SCN1A: variants seen among roughly 807,000 people sequenced by gnomAD.
SCN1A encodes the protein sodium channel protein type 1 subunit alpha.
A neutral mutation model predicts 193.7 loss-of-function variants in SCN1A; 13 were observed. The observed-to-expected ratio is 0.07, with a 90% confidence interval of 0.04 to 0.11. SCN1A has a LOEUF of 0.11. SCN1A is among the 10% of genes least tolerant of loss of function. SCN1A has a pLI of 1.00. For missense variants in SCN1A, 1,432 were observed against 2,451.1 expected (o/e 0.58, Z 8.78); for synonymous variants, 781 against 843.6 (o/e 0.93, Z 1.29).
chr2:166,045,571 A>C (rs1184405664), intron 12 of SCN1A, among the ~76,000 whole-genome samples: 1 of 152,180 alleles, frequency 6.6e-6, no homozygotes, highest in Non-Finnish European at 1.5e-5. Flanking sequence ...TGCTCCACAG[A>C]CCACGTATTC....
downstream of SCN1A, chr2:165,985,441 G>A (rs1415273859): frequency 6.6e-6 from 1 of 151,286 alleles, no homozygotes; most frequent in Admixed American, 6.6e-5. Flanking sequence ...AGGAAGGGAA[G>A]GGAAGGAAAA....
In SCN1A at chr2:166,036,111, A is replaced by C; in HGVS notation, c.3366T>G (p.Ser1122=). The C allele has an allele frequency of 6.2e-7, 1 of 1,613,986 alleles. No individual in the cohort carries two copies. The highest frequency in any genetic ancestry group is 2.2e-5 in the East Asian group (1 of 44,834). Residue 1122 remains serine, a synonymous_variant, in exon 19 of 29, where the codon TCT becomes TCG. Transcript: ENST00000674923. The stretch of plus-strand genomic sequence containing the variant: ...CTTCCGTGTTTAAATTTTCAAAGTC[A>C]GATTCTCCTACAGCAATTGGTACAG... ...TVTVPIAVGE[S]DFENLNTEDF... is the part of the protein sequence containing the mutation.
At chr2:166,143,167 A>ATT (rs66499233) in intron 1 of SCN1A, among the ~76,000 whole-genome samples, 56,500 of 126,014 alleles carry the variant, frequency 0.45, 13,790 homozygotes, top group Middle Eastern at 0.55. Flanking sequence ...AGAACTCAGC[A>ATT]TTTTTTTTTT....
chr2:166,077,412 G>C (rs946721654), intron 3 of SCN1A, among the ~76,000 whole-genome samples: 1 of 151,860 alleles, frequency 6.6e-6, no homozygotes, highest in African/African-American at 2.4e-5. Context: ...GACCTGAACA[G>C]ACACTTCACC....
At chr2:166,092,883 C>A (rs575894797) in intron 2 of SCN1A, among the ~76,000 whole-genome samples, 1 of 152,178 alleles carries the variant, frequency 6.6e-6, no homozygotes, top group South Asian at 2.1e-4. Flanking sequence ...TAGGTGCCAA[C>A]TCAGCCCTCA....
At chr2:166,099,199 G>T (rs1687746458) in intron 2 of SCN1A, among the ~76,000 whole-genome samples, 1 of 151,954 alleles carries the variant, frequency 6.6e-6, no homozygotes, top group Middle Eastern at 3.2e-3. Context: ...ATGCAAGGCT[G>T]GTTCAATATA....
intron 26 of SCN1A, 150 bp downstream of exon 26, chr2:165,997,888 G>T: frequency 1.6e-6 from 1 of 606,228 alleles, no homozygotes; most frequent in Non-Finnish European, 3.0e-6. Flanking sequence ...GAAATATATG[G>T]ATAGTGAATG....
Position 166,036,320 on chromosome 2 carries a change from C to A in SCN1A, c.3157G>T (p.Asp1053Tyr), listed in dbSNP as rs1696362618. Residue 1053 changes from aspartate (D) to tyrosine (Y), a missense_variant, in exon 19 of 29, where the codon GAT (aspartate) becomes TAT (tyrosine). Coordinates refer to ENST00000674923, the MANE Select transcript of SCN1A (RefSeq NM_001165963.4). ...CAACTGTCTTTCTTGTTGTTTAGAT[C>A]ATCAAGTGGTTTAATTTCATCTAAA... ...KILDEIKPLDDLNNKKDSCMS... is the reference protein window; with the variant it reads ...KILDEIKPLDYLNNKKDSCMS... The A allele has an allele frequency of 6.2e-7, 1 of 1,612,814 alleles. No homozygotes were observed. The highest frequency in any genetic ancestry group is 8.5e-7 in the Non-Finnish European group (1 of 1,179,590).
upstream of SCN1A, among the ~76,000 whole-genome samples, chr2:166,129,723 G>T (rs1338387334): frequency 6.6e-6 from 1 of 152,186 alleles, no homozygotes; most frequent in African/African-American, 2.4e-5. Flanking sequence ...AGTACTTAGA[G>T]ATTAGATATG....
intron 2 of SCN1A, among the ~76,000 whole-genome samples, chr2:166,102,313 G>T (rs899098032): frequency 6.6e-6 from 1 of 151,938 alleles, no homozygotes; most frequent in Non-Finnish European, 1.5e-5. Context: ...TGACTAACAC[G>T]GTGAAACCCC....
chr2:166,069,773 A>G (rs1373997706), intron 4 of SCN1A, among the ~76,000 whole-genome samples: 1 of 152,210 alleles, frequency 6.6e-6, no homozygotes, highest in East Asian at 1.9e-4. Flanking sequence ...AACTTTAGGG[A>G]AATCACTAGT....
chr2:166,089,702 T>C (rs979476379), intron 2 of SCN1A, among the ~76,000 whole-genome samples: 4 of 152,190 alleles, frequency 2.6e-5, no homozygotes, highest in Admixed American at 2.0e-4. Flanking sequence ...TATAAAAAGA[T>C]GGAATGGGGG....
intron 2 of SCN1A, among the ~76,000 whole-genome samples, chr2:166,093,480 A>G (rs569499864): frequency 1.1e-4 from 17 of 152,164 alleles, no homozygotes; most frequent in African/African-American, 4.1e-4. Flanking sequence ...CTGGGACTAC[A>G]GTTGCCTGCC....
chr2:166,130,324 T>C (rs2106285750), upstream of SCN1A, among the ~76,000 whole-genome samples: 1 of 152,320 alleles, frequency 6.6e-6, no homozygotes, highest in Non-Finnish European at 1.5e-5. Flanking sequence ...TTCCAGATAC[T>C]TAAGTAACAT....
At chr2:166,062,134 T>G (rs1683375172) in intron 4 of SCN1A, among the ~76,000 whole-genome samples, 1 of 152,120 alleles carries the variant, frequency 6.6e-6, no homozygotes, top group African/African-American at 2.4e-5. Flanking sequence ...AGGCCAACAT[T>G]AAAGGACCAT....
At position 166,054,661 on chromosome 2, in the gene SCN1A, G is replaced by A. The variant is rs116478064; in HGVS notation, c.579C>T (p.Leu193=). 3.8e-5 allele frequency: 61 copies of A among 1,612,202 alleles called. No homozygotes were observed. The African/African-American group carries it at 5.9e-4, about 16-fold the overall frequency. ...ACGCAAATGTAATGACAGTGAAATC[G>A]AGCCAGTTCCATGGATCCCGAAGGA... is the stretch of plus-strand genomic sequence containing the variant. The part of the protein sequence containing the change: ...FTFLRDPWNW[L]DFTVITFAYV... Residue 193 remains leucine, a synonymous_variant, in exon 7 of 29, where the codon CTC becomes CTT. Coordinates refer to ENST00000674923, the MANE Select transcript of SCN1A (RefSeq NM_001165963.4).
intron 2 of SCN1A, among the ~76,000 whole-genome samples, chr2:166,101,809 T>G (rs1296064743): frequency 1.3e-5 from 2 of 152,170 alleles, no homozygotes; most frequent in Non-Finnish European, 2.9e-5. Flanking sequence ...GATTAAGGCC[T>G]TGGCAAAGAT....
chr2:166,113,526 G>A (rs1433098989), intron 2 of SCN1A, among the ~76,000 whole-genome samples: 1 of 151,364 alleles, frequency 6.6e-6, no homozygotes, highest in East Asian at 1.9e-4. Flanking sequence ...CCTGTCATTT[G>A]TCTTTTAGCT....
At chr2:166,019,846 G>T (rs1313686685) in intron 19 of SCN1A, among the ~76,000 whole-genome samples, 1 of 151,514 alleles carries the variant, frequency 6.6e-6, no homozygotes, top group Admixed American at 6.6e-5. Context: ...TCAACTTAGA[G>T]TTCCAACCAA....
Sources: allele counts gnomAD v4.1 joint callset (sites outside exome capture counted in the v4.1 genomes callset), GRCh38; gene constraint gnomAD v4.1.1; transcripts MANE v1.5; gene names NCBI Gene and HGNC (gene_info 2026-07-23, HGNC 2026-07-21).